ABHD2: variants seen among roughly 807,000 people sequenced by gnomAD.
ABHD2 encodes abhydrolase domain containing 2, acylglycerol lipase.
ABHD2 carries 20 observed loss-of-function variants against 48.1 expected under a neutral mutation model. The ratio of observed to expected loss-of-function variants is 0.42; its 90% CI spans 0.29 to 0.60. The LOEUF is 0.60. Among genes scored for constraint, ABHD2 ranks in the 20% least tolerant of loss-of-function variants. The pLI is 0.24. For synonymous variants in ABHD2, 209 were observed against 214.2 expected (o/e 0.98, Z 0.21); for missense variants, 405 against 550.9 (o/e 0.74, Z 2.65).
At chr15:89,131,583 C>T (rs147508904) in intron 3 of ABHD2, among the ~76,000 whole-genome samples, 3 of 152,034 alleles carry the variant, frequency 2.0e-5, no homozygotes, top group African/African-American at 4.8e-5. Flanking sequence ...ACTAACAGGT[C>T]CCCTAGAGTC....
At chr15:89,065,918 A>G in the ABHD2 span, among the ~76,000 whole-genome samples, 8 of 152,146 alleles carry the variant, frequency 5.3e-5, no homozygotes, top group Admixed American at 3.9e-4. Flanking sequence ...AATACCTGCT[A>G]TGTTCCTGGC....
intron 1 of ABHD2, chr15:89,103,870 T>G (rs2049740705): frequency 6.6e-6 from 1 of 152,214 alleles, no homozygotes. Context: ...ACCAGATAGG[T>G]GCCTATCTCA....
intron 3 of ABHD2, among the ~76,000 whole-genome samples, chr15:89,129,013 G>A (rs1001842240): frequency 2.6e-5 from 4 of 152,162 alleles, no homozygotes; most frequent in Non-Finnish European, 5.9e-5. Context: ...GTTACTGAGC[G>A]GTTGAGAGAA....
chr15:89,098,365 A>C lies in ABHD2; in HGVS notation c.-107+9802A>C, dbSNP rs574629963. ...CTCATTCAGAGAATGAGAAAAATTC[A>C]GAGTTCAGCAGGCATTTATTGAGCT... is the stretch of plus-strand genomic sequence containing the variant. On this transcript the variant is annotated intron_variant, in intron 1 of 10. Coordinates refer to ENST00000352732, the MANE Select transcript of ABHD2 (RefSeq NM_152924.5). Among the ~76,000 whole-genome samples, 398 of 152,248 alleles carry C rather than the reference A, an allele frequency of 2.6e-3. 2 individuals carry two copies. Among genetic ancestry groups the C allele is most frequent in the African/African-American group, 9.2e-3 (381 of 41,544 alleles).
the ABHD2 span, among the ~76,000 whole-genome samples, chr15:89,058,324 C>G: frequency 1.3e-5 from 2 of 152,158 alleles, no homozygotes; most frequent in Non-Finnish European, 1.5e-5. Flanking sequence ...CCCTTACAAC[C>G]CTGAAAACAG....
intron 3 of ABHD2, among the ~76,000 whole-genome samples, chr15:89,143,873 A>G (rs1257607342): frequency 6.6e-6 from 1 of 152,054 alleles, no homozygotes; most frequent in Non-Finnish European, 1.5e-5. Flanking sequence ...TTTTCAATGG[A>G]CAACAGCAAC....
At chr15:89,055,138 C>T in the ABHD2 span, among the ~76,000 whole-genome samples, 1 of 152,086 alleles carries the variant, frequency 6.6e-6, no homozygotes, top group Non-Finnish European at 1.5e-5. Context: ...TTCAAGACTG[C>T]AGTGAGCCAT....
intron 4 of ABHD2, among the ~76,000 whole-genome samples, chr15:89,154,526 C>T (rs985275765): frequency 6.6e-6 from 1 of 152,140 alleles, no homozygotes; most frequent in East Asian, 1.9e-4. Flanking sequence ...CCATCCCTAC[C>T]CCTGCTCAGT....
intron 3 of ABHD2, among the ~76,000 whole-genome samples, chr15:89,150,010 T>A (rs2050565917): frequency 6.6e-6 from 1 of 152,182 alleles, no homozygotes; most frequent in Non-Finnish European, 1.5e-5. Flanking sequence ...AAACTGGGAA[T>A]GTGGCATCAG....
the ABHD2 span, among the ~76,000 whole-genome samples, chr15:89,069,540 T>C: frequency 6.6e-6 from 1 of 152,198 alleles, no homozygotes; most frequent in Admixed American, 6.5e-5. Flanking sequence ...GTGTTACTCA[T>C]GTTCTTGCTT....
chr15:89,113,454 CA>C lies in ABHD2; in HGVS notation c.-106-270del, dbSNP rs147020114. On this transcript the variant is annotated intron_variant, in intron 1 of 10. Transcript: ENST00000352732. Reference sequence around the variant, plus strand: ...TATGTTGTGAGATAAAGGTTCAAAGCAGTGTGAATTGGCTTTAGCCAGAATT... The same window carrying C: ...TATGTTGTGAGATAAAGGTTCAAAGCGTGTGAATTGGCTTTAGCCAGAATT... 7.9e-3 allele frequency among the ~76,000 whole-genome samples: 1,210 copies of C among 152,292 alleles called. 13 individuals are homozygous for C. The highest frequency in any genetic ancestry group is 0.027 in the African/African-American group (1,130 of 41,552).
At chr15:89,170,077 A>AT (rs1555432359) in intron 5 of ABHD2, among the ~76,000 whole-genome samples, 1 of 56,140 alleles carries the variant, frequency 1.8e-5, no homozygotes, top group Non-Finnish European at 3.2e-5. Context: ...GTCAGATCAG[A>AT]TTCTTTTTTT....
rs1475601560 is a variant in ABHD2 at position 89,182,231 on chromosome 15, C to T, written c.723-3193C>T. Among the ~76,000 whole-genome samples, 1 of 152,166 alleles carries T rather than the reference C, an allele frequency of 6.6e-6. No individual in the cohort carries two copies. The highest frequency in any genetic ancestry group is 1.9e-4 in the East Asian group (1 of 5,186). On this transcript the variant is annotated intron_variant, in intron 6 of 10. Coordinates refer to ENST00000352732, the MANE Select transcript of ABHD2 (RefSeq NM_152924.5). This position sits in a 1 kb window ranked among gnomAD's most constrained non-coding sequence, Gnocchi z 4.8. ...TGAGAGTTTTGCAACTTTCAGAAAG[C>T]ATCTTTCCTTTTGGAGTCATCCTGG...
In ABHD2 at chr15:89,177,241, G is replaced by T. The variant is rs948361268; in HGVS notation, c.722+1246G>T. 6.6e-6 allele frequency among the ~76,000 whole-genome samples: 1 copy of T among 152,184 alleles called. No individual in the cohort carries two copies. Among genetic ancestry groups the T allele is most frequent in the African/African-American group, 2.4e-5 (1 of 41,436 alleles). On this transcript the variant is annotated intron_variant, in intron 6 of 10. Coordinates refer to ENST00000352732, the MANE Select transcript of ABHD2 (RefSeq NM_152924.5). This position sits in a 1 kb window ranked among gnomAD's most constrained non-coding sequence, Gnocchi z 5.6. ...AGCACCGCTGAGAGTCAAATGAGTT[G>T]ATGCGTGTGAAGTGCTTAGAACAGT...
chr15:89,067,132 C>T, the ABHD2 span, among the ~76,000 whole-genome samples: 1 of 152,124 alleles, frequency 6.6e-6, no homozygotes, highest in Non-Finnish European at 1.5e-5. Context: ...AGGAATGAGA[C>T]AAGACAAGAG....
chr15:89,189,345 T>C lies in ABHD2; in HGVS notation c.926+1042T>C, dbSNP rs1596163311. On this transcript the variant is annotated intron_variant, in intron 8 of 10. Coordinates refer to ENST00000352732, the MANE Select transcript of ABHD2 (RefSeq NM_152924.5). This position sits in a 1 kb window ranked among gnomAD's most constrained non-coding sequence, Gnocchi z 4.9. The stretch of plus-strand genomic sequence containing the variant: ...ACAAAAAAAAATTGAAAAATAAAAA[T>C]AGCCGGGCATAGTGGCACACACCTG... 6.6e-6 allele frequency among the ~76,000 whole-genome samples: 1 copy of C among 151,576 alleles called. No individual in the cohort carries two copies. The highest frequency in any genetic ancestry group is 2.4e-5 in the African/African-American group (1 of 41,218).
In ABHD2 at chr15:89,155,674, C is replaced by T; in HGVS notation, c.538+140C>T. The T allele has an allele frequency of 9.4e-7, 1 of 1,069,312 alleles. No homozygotes were observed. The highest frequency in any genetic ancestry group is 1.3e-6 in the Non-Finnish European group (1 of 753,504). 66.2% of individuals were successfully genotyped at this position (1,069,312 alleles called of 1,614,324 possible). On this transcript the variant is annotated intron_variant, in intron 5 of 10. Transcript: ENST00000352732. The surrounding 1 kb of genome is among the most constrained non-coding windows in gnomAD (Gnocchi z 4.9). ...TAGGTCACACGGTTATATCAACAGC[C>T]AACTTGTACTGGGCATTGATGATGC... is the stretch of plus-strand genomic sequence containing the variant.
At chr15:89,078,861 A>C in the ABHD2 span, among the ~76,000 whole-genome samples, 10 of 151,798 alleles carry the variant, frequency 6.6e-5, no homozygotes, top group African/African-American at 2.4e-4. Flanking sequence ...CTCCTGAATA[A>C]CTGGGACTCC....
the ABHD2 span, among the ~76,000 whole-genome samples, chr15:89,079,847 C>T: frequency 6.6e-6 from 1 of 152,190 alleles, no homozygotes; most frequent in Non-Finnish European, 1.5e-5. This position sits in a 1 kb window ranked among gnomAD's most constrained non-coding sequence, Gnocchi z 4.3. Context: ...CACGGGCTAC[C>T]TCTTTCCCCA....
Sources: allele counts gnomAD v4.1 joint callset (sites outside exome capture counted in the v4.1 genomes callset), GRCh38; gene constraint gnomAD v4.1.1; non-coding constraint Gnocchi (gnomAD v3.1); transcripts MANE v1.5; gene names NCBI Gene and HGNC (gene_info 2026-07-23, HGNC 2026-07-21).